GNAQ: variants seen among roughly 807,000 people sequenced by gnomAD.
The protein encoded by GNAQ is G protein subunit alpha q.
Under a neutral mutation model 43.9 loss-of-function variants are expected in GNAQ, and 8 were observed. That is an observed-to-expected ratio of 0.18 (90% CI 0.11 to 0.33). GNAQ has a LOEUF of 0.33. Ranked by LOEUF, GNAQ falls within the 10% of genes least tolerant of loss-of-function variation. The pLI, the probability that GNAQ is intolerant of heterozygous loss-of-function variation, is 1.00. For missense variants in GNAQ, 158 were observed against 450.8 expected (o/e 0.35, Z 5.88); for synonymous variants, 155 against 170.7 (o/e 0.91, Z 0.71).
intron 2 of GNAQ, among the ~76,000 whole-genome samples, chr9:77,843,286 G>A (rs1827521215): frequency 6.6e-6 from 1 of 152,148 alleles, no homozygotes; most frequent in African/African-American, 2.4e-5. Context: ...TGGAGCATTA[G>A]GCGGGAGGGA....
At chr9:77,892,321 C>G (rs982821297) in intron 2 of GNAQ, among the ~76,000 whole-genome samples, 2 of 152,184 alleles carry the variant, frequency 1.3e-5, no homozygotes, top group Non-Finnish European at 2.9e-5. Context: ...TCTATCACTC[C>G]CTATGCCATG....
At chr9:77,938,791 T>C (rs1301891329) in intron 1 of GNAQ, among the ~76,000 whole-genome samples, 1 of 152,210 alleles carries the variant, frequency 6.6e-6, no homozygotes, top group Non-Finnish European at 1.5e-5. Context: ...TTTCAGGGCA[T>C]ACAGGCTAGA....
chr9:77,959,358 T>C (rs1823079956), intron 1 of GNAQ, among the ~76,000 whole-genome samples: 1 of 152,234 alleles, frequency 6.6e-6, no homozygotes, highest in Non-Finnish European at 1.5e-5. Context: ...CATATATAAC[T>C]TTTATTTTTA....
chr9:77,790,061 T>C (rs1158275874), intron 5 of GNAQ, among the ~76,000 whole-genome samples: 1 of 152,152 alleles, frequency 6.6e-6, no homozygotes, highest in African/African-American at 2.4e-5. Flanking sequence ...AGAGGTTAAA[T>C]ATTAAAATGC....
intron 2 of GNAQ, among the ~76,000 whole-genome samples, chr9:77,890,464 C>T (rs1828386408): frequency 6.6e-6 from 1 of 152,180 alleles, no homozygotes; most frequent in African/African-American, 2.4e-5. Context: ...TGGCTCATGC[C>T]TGTAATCCTA....
rs1825250818 is a variant in GNAQ at position 77,717,917 on chromosome 9, G to T, written c.*3406C>A. On this transcript the variant is annotated 3_prime_UTR_variant, in exon 7 of 7. Transcript: ENST00000286548. ...AGGAGATTTATTTACTTTTGAATGG[G>T]TGTGTTATTTCCCTTTGTTTCAGAT... 4.3e-6 allele frequency: 1 copy of T among 232,430 alleles called. No homozygotes were observed. The highest frequency in any genetic ancestry group is 5.6e-5 in the Admixed American group (1 of 17,734). 14.4% of individuals were successfully genotyped at this position (232,430 alleles called of 1,614,324 possible). A position where few individuals can be genotyped will look rare whatever the true frequency, so the allele number is the denominator to read the frequency against.
At chr9:77,890,927 T>G (rs1828396034) in intron 2 of GNAQ, among the ~76,000 whole-genome samples, 1 of 152,174 alleles carries the variant, frequency 6.6e-6, no homozygotes, top group African/African-American at 2.4e-5. Flanking sequence ...CCAGGAGTTC[T>G]AAACCAACAT....
At chr9:77,981,526 G>A (rs1379096557) in intron 1 of GNAQ, among the ~76,000 whole-genome samples, 1 of 152,138 alleles carries the variant, frequency 6.6e-6, no homozygotes. Flanking sequence ...TGCATGCAGA[G>A]GCAAAAAATA....
chr9:77,849,615 C>T (rs1429690004), intron 2 of GNAQ, among the ~76,000 whole-genome samples: 2 of 152,162 alleles, frequency 1.3e-5, no homozygotes, highest in Admixed American at 6.5e-5. Flanking sequence ...TGTTTTCCAC[C>T]TCCACCACAG....
intron 3 of GNAQ, among the ~76,000 whole-genome samples, chr9:77,803,905 G>A (rs568544184): frequency 3.9e-5 from 6 of 152,216 alleles, no homozygotes; most frequent in Admixed American, 1.3e-4. Flanking sequence ...TTCTTTACAC[G>A]CTGAATGTCA....
intron 1 of GNAQ, among the ~76,000 whole-genome samples, chr9:78,029,685 T>A (rs1283818288): frequency 6.6e-6 from 1 of 152,228 alleles, no homozygotes; most frequent in East Asian, 1.9e-4. Context: ...TTGTTCCTGC[T>A]TGTAAATGAT....
intron 1 of GNAQ, among the ~76,000 whole-genome samples, chr9:78,006,029 G>A (rs1227782874): frequency 1.3e-5 from 2 of 152,142 alleles, no homozygotes; most frequent in Non-Finnish European, 2.9e-5. Flanking sequence ...GTTATTGCAC[G>A]CAGGCTTACT....
At chr9:77,759,126 A>G (rs982814809) in intron 5 of GNAQ, among the ~76,000 whole-genome samples, 3 of 152,212 alleles carry the variant, frequency 2.0e-5, no homozygotes, top group Admixed American at 2.0e-4. Context: ...GAAAAGAAAT[A>G]TTTCTGATTT....
intron 5 of GNAQ, among the ~76,000 whole-genome samples, chr9:77,765,692 A>C (rs1387518072): frequency 6.6e-6 from 1 of 152,268 alleles, no homozygotes; most frequent in African/African-American, 2.4e-5. Flanking sequence ...TATGAAAAAC[A>C]GTATGGCAAT....
chr9:77,881,924 G>A (rs1242755410), intron 2 of GNAQ, among the ~76,000 whole-genome samples: 1 of 152,088 alleles, frequency 6.6e-6, no homozygotes, highest in African/African-American at 2.4e-5. Flanking sequence ...GATCACTTGA[G>A]GTCAGGAGTT....
At chr9:77,945,000 G>A (rs570451677) in intron 1 of GNAQ, among the ~76,000 whole-genome samples, 2 of 152,328 alleles carry the variant, frequency 1.3e-5, no homozygotes, top group South Asian at 4.1e-4. Flanking sequence ...GGCGGCTGGG[G>A]AAGCACAAAG....
intron 2 of GNAQ, among the ~76,000 whole-genome samples, chr9:77,851,111 T>C (rs1324963558): frequency 6.6e-6 from 1 of 152,248 alleles, no homozygotes; most frequent in Non-Finnish European, 1.5e-5. Flanking sequence ...AACCTGTGTT[T>C]ATGAATTGAC....
intron 1 of GNAQ, among the ~76,000 whole-genome samples, chr9:77,980,164 T>C (rs1176554610): frequency 6.6e-6 from 1 of 152,170 alleles, no homozygotes; most frequent in Non-Finnish European, 1.5e-5. Flanking sequence ...TGAACCTTTG[T>C]TTCTTACCCT....
intron 6 of GNAQ, among the ~76,000 whole-genome samples, chr9:77,723,561 A>AG (rs1293997952): frequency 3.8e-4 from 58 of 152,246 alleles, no homozygotes; most frequent in Non-Finnish European, 1.0e-4. Flanking sequence ...AAACCAAACC[A>AG]AACAGAATAT....
Sources: allele counts gnomAD v4.1 joint callset (sites outside exome capture counted in the v4.1 genomes callset), GRCh38; gene constraint gnomAD v4.1.1; transcripts MANE v1.5; gene names NCBI Gene and HGNC (gene_info 2026-07-23, HGNC 2026-07-21).